Variants in ACSL1 observed in about 807,000 individuals in gnomAD.
The protein encoded by ACSL1 is long-chain-fatty-acid--CoA ligase 1.
ACSL1 carries 41 observed loss-of-function variants against 98.4 expected under a neutral mutation model. The observed-to-expected ratio is 0.42, with a 90% CI of 0.32 to 0.54. The LOEUF (loss-of-function observed/expected upper bound fraction) is 0.54, where lower values mean the gene tolerates loss of function less well. Ranked by LOEUF, ACSL1 falls within the 20% of genes least tolerant of loss-of-function variation. The pLI is 0.13. For missense variants in ACSL1, 734 were observed against 883.1 expected, an observed-to-expected ratio of 0.83 and a Z score of 2.14; for synonymous variants, 316 against 322.7, an observed-to-expected ratio of 0.98 and a Z score of 0.22.
intron 3 of ACSL1, 105 bp from the exon 4 acceptor site, chr4:184,784,096 T>G: frequency 1.2e-6 from 1 of 864,840 alleles, no homozygotes; most frequent in Non-Finnish European, 1.8e-6. Context: ...AGCTAGACTC[T>G]ACTTTAGTCC....
intron 17 of ACSL1, among the ~76,000 whole-genome samples, chr4:184,761,198 C>T (rs1156822606): frequency 1.3e-5 from 2 of 152,144 alleles, no homozygotes; most frequent in East Asian, 3.9e-4. Flanking sequence ...AAGGAGCAAA[C>T]CAAGGTCCAG....
chr4:184,776,079 G>C (rs1467811172), intron 7 of ACSL1, among the ~76,000 whole-genome samples: 1 of 152,178 alleles, frequency 6.6e-6, no homozygotes, highest in Non-Finnish European at 1.5e-5. Context: ...AGCCATCCAG[G>C]GAAAAGAACG....
At position 184,804,593 on chromosome 4, in the gene ACSL1, A is replaced by G. The variant is rs1238839349; in HGVS notation, c.-32-1047T>C. 2.0e-5 allele frequency among the ~76,000 whole-genome samples: 3 copies of G among 152,130 alleles called. 1 individual carries two copies. The highest frequency in any genetic ancestry group is 1.5e-5 in the Non-Finnish European group (1 of 67,974). On this transcript the variant is annotated intron_variant, in intron 1 of 20. Transcript: ENST00000281455. Reference sequence around the variant, plus strand: ...GAGACCCCGTCTCAAAAAAGAAAAAAAAAAAAAAAGACCCTAGATGCTAGA... The same window carrying G: ...GAGACCCCGTCTCAAAAAAGAAAAAGAAAAAAAAAGACCCTAGATGCTAGA...
rs184712099 is a variant in ACSL1, at chr4:184,757,312, C to T, written c.1957-47G>A. 2,005 of 1,562,630 alleles carry T rather than the reference C, an allele frequency of 1.3e-3. 3 individuals carry two copies. The highest frequency in any genetic ancestry group is 1.6e-3 in the Non-Finnish European group (1,817 of 1,147,632). ...AAAAGAGGAAAAAGGACACGGGCCACCAGTCTCAAAAGCACGTAAGCCTTG... is the reference window on the plus strand; with the variant it reads ...AAAAGAGGAAAAAGGACACGGGCCATCAGTCTCAAAAGCACGTAAGCCTTG... On this transcript the variant is annotated intron_variant, in intron 20 of 20. Coordinates refer to ENST00000281455, the MANE Select transcript of ACSL1 (RefSeq NM_001995.5). The surrounding 1 kb of genome is among the most constrained non-coding windows in gnomAD (Gnocchi z 4.5).
rs1000062018 is a variant in ACSL1 at position 184,803,556 on chromosome 4, G to A, written c.-32-10C>T. ...TTCTCTAAGCTGAATTCTGTTGGGAGAGAAAAATGTCACGTTCGTTCCAGG... is the reference window on the plus strand; with the variant it reads ...TTCTCTAAGCTGAATTCTGTTGGGAAAGAAAAATGTCACGTTCGTTCCAGG... On this transcript the variant is annotated splice_polypyrimidine_tract_variant and intron_variant, in intron 1 of 20. Transcript: ENST00000281455. This position sits in a 1 kb window ranked among gnomAD's most constrained non-coding sequence, Gnocchi z 4.8. The A allele has an allele frequency of 1.4e-6, 2 of 1,419,456 alleles. No homozygotes were observed. The highest frequency in any genetic ancestry group is 5.2e-5 in the East Asian group (2 of 38,826). 87.9% of individuals were successfully genotyped at this position (1,419,456 alleles called of 1,614,324 possible). A position where few individuals can be genotyped will look rare whatever the true frequency, so the allele number is the denominator to read the frequency against.
At chr4:184,789,191 C>T (rs1767925028) in intron 2 of ACSL1, among the ~76,000 whole-genome samples, 1 of 152,122 alleles carries the variant, frequency 6.6e-6, no homozygotes, top group East Asian at 1.9e-4. Context: ...ACACAGGCTT[C>T]GGGGAACCAC....
Position 184,815,490 on chromosome 4 carries a change from G to GC in ACSL1, c.-33+10425_-33+10426insG, listed in dbSNP as rs200982277. Among the ~76,000 whole-genome samples, 1,165 of 119,688 alleles carry GC rather than the reference G, an allele frequency of 9.7e-3. 11 individuals carry two copies. The highest frequency in any genetic ancestry group is 0.014 in the Non-Finnish European group (743 of 52,350). The allele number at this position is 119,688 out of a possible 152,430, so 78.5% of individuals were successfully genotyped here. A position where few individuals can be genotyped will look rare whatever the true frequency, so the allele number is the denominator to read the frequency against. On this transcript the variant is annotated intron_variant, in intron 1 of 20. Coordinates refer to ENST00000281455, the MANE Select transcript of ACSL1 (RefSeq NM_001995.5). The stretch of plus-strand genomic sequence containing the variant: ...CCTGTCCCCTCCAGGACCCAGGCCT[G>GC]GGGGGGGAAACTGGGAAGAGTAAGA...
At chr4:184,801,633 A>T (rs1770539483) in intron 2 of ACSL1, among the ~76,000 whole-genome samples, 1 of 152,218 alleles carries the variant, frequency 6.6e-6, no homozygotes, top group Non-Finnish European at 1.5e-5. Context: ...CTTCTTTTTT[A>T]AAAAGGCAAA....
At chr4:184,765,689 T>C (rs994455767) in intron 14 of ACSL1, among the ~76,000 whole-genome samples, 10 of 152,208 alleles carry the variant, frequency 6.6e-5, no homozygotes, top group African/African-American at 2.4e-4. Context: ...GTAAGACACA[T>C]GTTAATTAGC....
intron 2 of ACSL1, chr4:184,798,288 TA>T (rs1460281157): frequency 6.6e-6 from 1 of 152,230 alleles, no homozygotes; most frequent in African/African-American, 2.4e-5. Flanking sequence ...CGTGAAGGCA[TA>T]AAAAAGTTTT....
At chr4:184,826,476 G>A (rs1579980797), upstream of ACSL1, 1 of 150,664 alleles carries the variant, frequency 6.6e-6, no homozygotes, top group East Asian at 2.1e-4. Flanking sequence ...CCTTGACACT[G>A]ACGGGCGCGG....
chr4:184,793,802 C>T (rs7660927), intron 2 of ACSL1, among the ~76,000 whole-genome samples: 42,360 of 151,994 alleles, frequency 0.28, 8,331 homozygotes, highest in African/African-American at 0.56. Context: ...AACCACAGTC[C>T]GGGGGTAAAA....
In ACSL1 at chr4:184,766,908, G is replaced by T; in HGVS notation, c.1129-152C>A. 1.2e-6 allele frequency: 1 copy of T among 811,082 alleles called. No homozygotes were observed. Among genetic ancestry groups the T allele is most frequent in the Non-Finnish European group, 1.9e-6 (1 of 528,632 alleles). 50.2% of individuals were successfully genotyped at this position (811,082 alleles called of 1,614,324 possible). ...GGCCGGTCCTCTAACGGCCCCACAT[G>T]GTCAGCACAGGACAGCAATTCCACA... On this transcript the variant is annotated intron_variant, in intron 12 of 20. Transcript: ENST00000281455. The surrounding 1 kb of genome is among the most constrained non-coding windows in gnomAD (Gnocchi z 4.8).
At chr4:184,814,116 C>T (rs924757723) in intron 1 of ACSL1, among the ~76,000 whole-genome samples, 1 of 151,950 alleles carries the variant, frequency 6.6e-6, no homozygotes, top group African/African-American at 2.4e-5. Flanking sequence ...CGGTGAAACC[C>T]CGTCTCTACT....
intron 15 of ACSL1, 92 bp from the exon 16 acceptor site, chr4:184,763,347 G>T: frequency 2.8e-6 from 3 of 1,054,328 alleles, no homozygotes; most frequent in Non-Finnish European, 2.7e-6. Flanking sequence ...TTCCACATAA[G>T]AAAAACGGCT....
chr4:184,810,886 G>A (rs1011497633), intron 1 of ACSL1, among the ~76,000 whole-genome samples: 2 of 152,146 alleles, frequency 1.3e-5, no homozygotes, highest in Non-Finnish European at 2.9e-5. Flanking sequence ...AGTCCTTACT[G>A]CACGGGGTTG....
At chr4:184,797,867 T>A (rs1350993126) in intron 2 of ACSL1, among the ~76,000 whole-genome samples, 1 of 152,228 alleles carries the variant, frequency 6.6e-6, no homozygotes, top group African/African-American at 2.4e-5. Context: ...TGAGTGAATA[T>A]AGATCTGATA....
chr4:184,820,334 G>T (rs992382434), intron 1 of ACSL1, among the ~76,000 whole-genome samples: 1 of 152,108 alleles, frequency 6.6e-6, no homozygotes, highest in African/African-American at 2.4e-5. Context: ...CGTCTCAATT[G>T]TTCTCCAGCC....
intron 2 of ACSL1, among the ~76,000 whole-genome samples, chr4:184,799,635 C>G (rs561932598): frequency 2.8e-4 from 43 of 152,204 alleles, no homozygotes; most frequent in Non-Finnish European, 4.4e-4. Context: ...ATTGTTTGAG[C>G]CCAGGAGTTT....
Sources: allele counts gnomAD v4.1 joint callset (sites outside exome capture counted in the v4.1 genomes callset), GRCh38; gene constraint gnomAD v4.1.1; non-coding constraint Gnocchi (gnomAD v3.1); transcripts MANE v1.5; gene names NCBI Gene and HGNC (gene_info 2026-07-23, HGNC 2026-07-21).